Variants in RNF38 observed in about 807,000 individuals in gnomAD.
RNF38 encodes the protein ring finger protein 38, also known as E3 ubiquitin-protein ligase RNF38.
Under a neutral mutation model 67.2 loss-of-function variants are expected in RNF38, and 15 were observed. That is an observed-to-expected ratio of 0.22 (90% CI 0.15 to 0.34). The LOEUF is 0.34. Ranked by LOEUF, RNF38 falls within the 10% of genes least tolerant of loss-of-function variation. The probability of loss-of-function intolerance (pLI) is 1.00; values close to 1 mark genes in which losing one functional copy is unlikely to be tolerated. For missense variants in RNF38, 524 were observed against 639.9 expected, an observed-to-expected ratio of 0.82 and a Z score of 1.95; for synonymous variants, 220 against 218.8, an observed-to-expected ratio of 1.01 and a Z score of -0.05.
intron 2 of RNF38, among the ~76,000 whole-genome samples, chr9:36,389,036 GA>G (rs1793035857): frequency 6.6e-6 from 1 of 151,892 alleles, no homozygotes; most frequent in Non-Finnish European, 1.5e-5. Flanking sequence ...GCTTCATGTC[GA>G]ACAGTGGTAG....
At chr9:36,393,200 TCTC>T (rs1252055852) in intron 1 of RNF38, among the ~76,000 whole-genome samples, 1 of 152,146 alleles carries the variant, frequency 6.6e-6, no homozygotes, top group South Asian at 2.1e-4. Context: ...TTATGTTTCT[TCTC>T]CTTCATTCCT....
At chr9:36,446,796 A>G (rs1839310985) in intron 1 of RNF38, among the ~76,000 whole-genome samples, 1 of 126,674 alleles carries the variant, frequency 7.9e-6, no homozygotes, top group African/African-American at 3.1e-5. Flanking sequence ...CGACAGAGTG[A>G]GACTCCGCCT....
intron 1 of RNF38, among the ~76,000 whole-genome samples, chr9:36,466,789 T>C (rs1024159528): frequency 6.6e-6 from 1 of 152,126 alleles, no homozygotes; most frequent in African/African-American, 2.4e-5. Context: ...GAACTTTTAT[T>C]TTCTCTAATA....
upstream of RNF38, among the ~76,000 whole-genome samples, chr9:36,404,017 A>G (rs1004387230): frequency 6.6e-6 from 1 of 152,190 alleles, no homozygotes; most frequent in Non-Finnish European, 1.5e-5. Flanking sequence ...TGTTTAAGAA[A>G]TATTTCCCTT....
chr9:36,359,582 G>T (rs1373168555), intron 4 of RNF38, among the ~76,000 whole-genome samples: 1 of 152,020 alleles, frequency 6.6e-6, no homozygotes, highest in African/African-American at 2.4e-5. Context: ...TTAGCATCTG[G>T]TAAGAAATTC....
chr9:36,400,483 C>T, upstream of RNF38: 1 of 1,012,904 alleles, frequency 9.9e-7, no homozygotes, highest in Non-Finnish European at 1.2e-6. Flanking sequence ...CGGGCGCGGC[C>T]CCGCAGGCTC....
intron 4 of RNF38, among the ~76,000 whole-genome samples, chr9:36,364,375 G>T (rs1201884318): frequency 6.6e-6 from 1 of 152,030 alleles, no homozygotes; most frequent in African/African-American, 2.4e-5. Context: ...TAGTCTATTA[G>T]TTTTTGAGGG....
intron 8 of RNF38, among the ~76,000 whole-genome samples, chr9:36,352,162 T>C (rs760638626): frequency 6.6e-6 from 1 of 151,992 alleles, no homozygotes; most frequent in Non-Finnish European, 1.5e-5. Flanking sequence ...TAGCTGGGCA[T>C]GGTGGTCCAT....
chr9:36,400,807 A>G, upstream of RNF38: 1 of 985,252 alleles, frequency 1.0e-6, no homozygotes, highest in Non-Finnish European at 1.2e-6. Context: ...AACGCCTCGG[A>G]GGCTCCATCC....
In RNF38 at chr9:36,363,582, T is replaced by C. The variant is rs1377590628; in HGVS notation, c.571-5640A>G. ...CCTACATTCATCAAGTCATATGCCATGTATATATACTCATGCGTGGCTTAA... is the reference window on the plus strand; with the variant it reads ...CCTACATTCATCAAGTCATATGCCACGTATATATACTCATGCGTGGCTTAA... On this transcript the variant is annotated intron_variant, in intron 4 of 11. Coordinates refer to ENST00000259605, the MANE Select transcript of RNF38 (RefSeq NM_022781.5). 3.0e-5 allele frequency among the ~76,000 whole-genome samples: 3 copies of C among 101,096 alleles called. 1 individual carries two copies. Among genetic ancestry groups the C allele is most frequent in the Admixed American group, 9.1e-5 (1 of 11,030 alleles). 66.3% of individuals were successfully genotyped at this position (101,096 alleles called of 152,430 possible).
At chr9:36,408,594 T>A (rs571127417) in intron 2 of RNF38, among the ~76,000 whole-genome samples, 70 of 152,222 alleles carry the variant, frequency 4.6e-4, no homozygotes, top group African/African-American at 1.6e-3. Context: ...AGGCCCAAAC[T>A]ATAATCTAGG....
chr9:36,438,733 T>C (rs62546163), intron 1 of RNF38, among the ~76,000 whole-genome samples: 28,484 of 152,146 alleles, frequency 0.19, 3,239 homozygotes, highest in Non-Finnish European at 0.26. Flanking sequence ...TATTTCTACC[T>C]GAAAGAAAGA....
intron 1 of RNF38, among the ~76,000 whole-genome samples, chr9:36,449,009 G>T (rs1486941328): frequency 6.6e-6 from 1 of 151,592 alleles, no homozygotes; most frequent in East Asian, 2.0e-4. Context: ...AATTAAAAAA[G>T]AAAGAAAGAA....
chr9:36,428,369 C>T (rs960280473), intron 1 of RNF38, among the ~76,000 whole-genome samples: 11 of 150,852 alleles, frequency 7.3e-5, no homozygotes, highest in Admixed American at 3.3e-4. Context: ...GATGAGATCA[C>T]GCCACTGCAC....
Position 36,364,826 on chromosome 9 carries a change from G to A in RNF38, c.570+4893C>T, listed in dbSNP as rs78809122. Among the ~76,000 whole-genome samples, 86 of 152,330 alleles carry A rather than the reference G, an allele frequency of 5.6e-4. 1 individual carries two copies. The East Asian group carries it at 0.012, about 21-fold the overall frequency. ...TCAGTAAGTCTAGTGTACAGTCTGCGAATCTGCAGTTCTAACAAATATCTA... is the reference window on the plus strand; with the variant it reads ...TCAGTAAGTCTAGTGTACAGTCTGCAAATCTGCAGTTCTAACAAATATCTA... On this transcript the variant is annotated intron_variant, in intron 4 of 11. Transcript: ENST00000259605.
chr9:36,484,921 C>G (rs1840368330), intron 1 of RNF38, among the ~76,000 whole-genome samples: 1 of 152,150 alleles, frequency 6.6e-6, no homozygotes, highest in Admixed American at 6.5e-5. Context: ...AATCCCAGCA[C>G]TTTGGGAGGC....
intron 9 of RNF38, among the ~76,000 whole-genome samples, chr9:36,347,013 G>T (rs374898322): frequency 6.6e-6 from 1 of 150,806 alleles, no homozygotes; most frequent in African/African-American, 2.4e-5. Context: ...TCAGCTACTT[G>T]GAAGACTAAG....
At chr9:36,473,795 G>T (rs1840054139) in intron 1 of RNF38, among the ~76,000 whole-genome samples, 1 of 150,620 alleles carries the variant, frequency 6.6e-6, no homozygotes, top group Non-Finnish European at 1.5e-5. Flanking sequence ...GACCAGCCTG[G>T]CCAAGATGGT....
At chr9:36,473,107 G>C (rs942992848) in intron 1 of RNF38, among the ~76,000 whole-genome samples, 1 of 151,862 alleles carries the variant, frequency 6.6e-6, no homozygotes, top group East Asian at 1.9e-4. Flanking sequence ...ACTCCAGCCT[G>C]GGTGACAAGC....
Sources: gnomAD v4.1 joint callset for allele counts (sites outside exome capture counted in the v4.1 genomes callset) on GRCh38, gnomAD v4.1.1 for gene constraint, MANE v1.5 for transcripts, NCBI Gene and HGNC (gene_info 2026-07-23, HGNC 2026-07-21) for gene names.